The following NFX1 variants were observed in gnomAD, a reference collection of about 807,000 sequenced individuals.
NFX1 encodes the protein nuclear transcription factor, X-box binding 1, also known as transcriptional repressor NF-X1.
In NFX1, 69 loss-of-function variants were observed where a neutral mutation model predicts 137.2. That is an observed-to-expected ratio of 0.50 (90% CI 0.41 to 0.61). NFX1 has a LOEUF of 0.61. Among genes scored for constraint, NFX1 ranks in the 20% least tolerant of loss-of-function variants. The probability of loss-of-function intolerance (pLI) is 0.00; values close to 1 mark genes in which losing one functional copy is unlikely to be tolerated. For synonymous variants in NFX1, 495 were observed against 474.1 expected, an observed-to-expected ratio of 1.04 and a Z score of -0.57; for missense variants, 1,167 against 1,391.0, an observed-to-expected ratio of 0.84 and a Z score of 2.56.
intron 19 of NFX1, among the ~76,000 whole-genome samples, chr9:33,358,205 A>G (rs1380942263): frequency 6.7e-6 from 1 of 148,388 alleles, no homozygotes; most frequent in African/African-American, 2.5e-5. Flanking sequence ...GCTCACTGCA[A>G]GCTCCACCTC....
chr9:33,332,304 T>C (rs1482928187), intron 10 of NFX1, among the ~76,000 whole-genome samples, 168 bp from the exon 11 acceptor site: 2 of 152,196 alleles, frequency 1.3e-5, no homozygotes, highest in African/African-American at 4.8e-5. Context: ...AGCTCATTCA[T>C]ATAGGGATTA....
rs1209335491 is a variant in NFX1 at position 33,307,057 on chromosome 9, TATGGG to T, written c.1271-134_1271-130del. 2.7e-5 allele frequency: 15 copies of T among 547,760 alleles called. No individual in the cohort carries two copies. The East Asian group carries it at 4.5e-4, about 16-fold the overall frequency. 33.9% of individuals were successfully genotyped at this position (547,760 alleles called of 1,614,324 possible). ...TTATATTTATCTTTTTATTTTAAGA[TATGGG>T]ATAATACATTTGTTGAAATAATAAA... On this transcript the variant is annotated intron_variant, in intron 4 of 23. Transcript: ENST00000379540.
intron 15 of NFX1, among the ~76,000 whole-genome samples, chr9:33,350,875 G>A (rs1587869109): frequency 6.6e-6 from 1 of 152,320 alleles, no homozygotes; most frequent in African/African-American, 2.4e-5. Flanking sequence ...GCTGAGTGTG[G>A]TGGTTCATGC....
intron 9 of NFX1, among the ~76,000 whole-genome samples, chr9:33,324,386 AT>A (rs1283141131): frequency 6.6e-6 from 1 of 152,060 alleles, no homozygotes; most frequent in Admixed American, 6.6e-5. Context: ...CTCAAAAAAA[AT>A]AATAATAATT....
At chr9:33,345,523 A>G (rs1823388956) in intron 14 of NFX1, among the ~76,000 whole-genome samples, 1 of 152,154 alleles carries the variant, frequency 6.6e-6, no homozygotes, top group Admixed American at 6.5e-5. Flanking sequence ...TAAATAATCT[A>G]TTATATGTCA....
intron 2 of NFX1, among the ~76,000 whole-genome samples, chr9:33,296,480 C>T (rs969107940): frequency 6.6e-6 from 1 of 152,222 alleles, no homozygotes; most frequent in Non-Finnish European, 1.5e-5. Flanking sequence ...GTAATTCCTG[C>T]ACTTGGGGAG....
intron 21 of NFX1, chr9:33,364,978 A>G: frequency 7.2e-7 from 1 of 1,385,058 alleles, no homozygotes; most frequent in Non-Finnish European, 9.4e-7. Flanking sequence ...TGACTGCAGA[A>G]AAGATCTACA....
Position 33,319,137 on chromosome 9 carries a change from A to G in NFX1, c.1906+10A>G, listed in dbSNP as rs903596560. On this transcript the variant is annotated intron_variant, in intron 9 of 23. Transcript: ENST00000379540. ...CCTTGTGGTTCCTTAGGTAACTAGTAAGCGTAAAGTTGGCTTTAAAAATAT... is the reference window on the plus strand; with the variant it reads ...CCTTGTGGTTCCTTAGGTAACTAGTGAGCGTAAAGTTGGCTTTAAAAATAT... 3.7e-6 allele frequency: 6 copies of G among 1,612,990 alleles called. No individual in the cohort carries two copies. The East Asian group carries it at 6.7e-5, about 18-fold the overall frequency.
chr9:33,294,474 A>T lies in NFX1; in HGVS notation c.80A>T (p.Asn27Ile), dbSNP rs140178544. The change falls in exon 2 of 24, where the codon AAT becomes ATT. Residue 27 changes from asparagine to isoleucine, a missense_variant. Physicochemically the swap from Asn to Ile is moderately radical, Grantham distance 149 (BLOSUM62 -3). Coordinates refer to ENST00000379540, the MANE Select transcript of NFX1 (RefSeq NM_002504.6). Reference protein sequence around the residue: ...AAEFIPQEKKNSGLNCGTQRR... With the variant: ...AAEFIPQEKKISGLNCGTQRR... The stretch of plus-strand genomic sequence containing the variant: ...GAATTCATTCCTCAGGAGAAAAAAA[A>T]TTCTGGTCTAAATTGTGGGACTCAA... The T allele has an allele frequency of 1.9e-6, 3 of 1,604,698 alleles. No homozygotes were observed. Among genetic ancestry groups the T allele is most frequent in the Non-Finnish European group, 2.5e-6 (3 of 1,176,990 alleles).
In NFX1 at chr9:33,294,515, A is replaced by C. The variant is rs1373010527; in HGVS notation, c.121A>C (p.Asn41His). The stretch of plus-strand genomic sequence containing the variant: ...TGGGACTCAAAGGAGACTAGACTCT[A>C]ATAGGATTGGTAGAAGAAATTACAG... ...NCGTQRRLDS[N>H]RIGRRNYSSP... Residue 41 changes from asparagine (N) to histidine (H), a missense_variant, in exon 2 of 24, where the codon AAT becomes CAT. This residue lies in a region of NFX1 where 367 missense variants were observed against 386.7 expected (regional missense o/e 0.95). Transcript: ENST00000379540. 4 of 1,614,140 alleles carry C rather than the reference A, an allele frequency of 2.5e-6. No individual in the cohort carries two copies. Among genetic ancestry groups the C allele is most frequent in the Non-Finnish European group, 2.5e-6 (3 of 1,180,010 alleles).
intron 19 of NFX1, among the ~76,000 whole-genome samples, chr9:33,362,694 T>TG (rs1824035437): frequency 2.0e-5 from 2 of 100,042 alleles, no homozygotes; most frequent in African/African-American, 1.5e-4. Context: ...TTCCTGTGGT[T>TG]TTTTTTTTTT....
rs907811529 is a variant in NFX1 at position 33,367,584 on chromosome 9, A to G, written c.3255A>G (p.Pro1085=). ...AAAGGGAAATGCAGGCACGGCCTCC[A>G]CCACCGATTCCTCATCACAGACATC... ...VLEREMQARP[P]PPIPHHRHQS... The change falls in exon 23 of 24, where the codon CCA becomes CCG. Residue 1085 remains proline, a synonymous_variant. Transcript: ENST00000379540. The G allele has an allele frequency of 6.2e-7, 1 of 1,613,918 alleles. No individual in the cohort carries two copies. Among genetic ancestry groups the G allele is most frequent in the Non-Finnish European group, 8.5e-7 (1 of 1,179,844 alleles).
chr9:33,351,797 A>G lies in NFX1; in HGVS notation c.2655+7A>G, dbSNP rs780977047. 1.9e-6 allele frequency: 3 copies of G among 1,560,972 alleles called. No homozygotes were observed. The highest frequency in any genetic ancestry group is 1.2e-5 in the South Asian group (1 of 81,778). ...GACTGCTTGTAAAGCTAAGGTGGGTATTTCTGGCCACAGATGCAGCATTGA... is the reference window on the plus strand; with the variant it reads ...GACTGCTTGTAAAGCTAAGGTGGGTGTTTCTGGCCACAGATGCAGCATTGA... On this transcript the variant is annotated splice_region_variant and intron_variant, in intron 16 of 23. Coordinates refer to ENST00000379540, the MANE Select transcript of NFX1 (RefSeq NM_002504.6).
At chr9:33,319,409 T>G (rs1822299621) in intron 9 of NFX1, among the ~76,000 whole-genome samples, 1 of 152,218 alleles carries the variant, frequency 6.6e-6, no homozygotes, top group South Asian at 2.1e-4. Flanking sequence ...CTTAGGAGCC[T>G]GTACTGTAAT....
At chr9:33,293,847 A>G (rs1299981095) in intron 1 of NFX1, among the ~76,000 whole-genome samples, 1 of 152,260 alleles carries the variant, frequency 6.6e-6, no homozygotes, top group Non-Finnish European at 1.5e-5. Flanking sequence ...TAATACACTT[A>G]TTAAGTACTA....
chr9:33,306,265 C>T (rs1183616014), intron 4 of NFX1, among the ~76,000 whole-genome samples: 1 of 152,114 alleles, frequency 6.6e-6, no homozygotes, highest in East Asian at 1.9e-4. Context: ...GTGACTCTGA[C>T]AGAGTTGACG....
intron 7 of NFX1, among the ~76,000 whole-genome samples, chr9:33,315,034 C>G (rs1822106252): frequency 6.6e-6 from 1 of 152,122 alleles, no homozygotes; most frequent in Non-Finnish European, 1.5e-5. Flanking sequence ...CTCTTCCTCT[C>G]CATTACTGCA....
At chr9:33,342,640 T>C in intron 12 of NFX1, 106 bp from the exon 13 acceptor site, 4 of 790,278 alleles carry the variant, frequency 5.1e-6, no homozygotes, top group Non-Finnish European at 8.0e-6. Flanking sequence ...CAGATATCAT[T>C]TTATCCATAA....
chr9:33,359,797 A>G (rs1823933084), intron 19 of NFX1, among the ~76,000 whole-genome samples: 1 of 152,250 alleles, frequency 6.6e-6, no homozygotes, highest in Non-Finnish European at 1.5e-5. Flanking sequence ...CAAATTGTTA[A>G]TAATTGGAGA....
Sources: gnomAD v4.1 joint callset for allele counts (sites outside exome capture counted in the v4.1 genomes callset) on GRCh38, gnomAD v4.1.1 for gene constraint, gnomAD v4.1.1 regional missense constraint, MANE v1.5 for transcripts, NCBI Gene and HGNC (gene_info 2026-07-23, HGNC 2026-07-21) for gene names.